GPC6: variants seen among roughly 807,000 people sequenced by gnomAD.
GPC6 encodes the protein glypican-6.
Under a neutral mutation model 55.2 loss-of-function variants are expected in GPC6, and 14 were observed. That is an observed-to-expected ratio of 0.25 (90% CI 0.17 to 0.40). The LOEUF is 0.40. Among genes scored for constraint, GPC6 ranks in the 10% least tolerant of loss-of-function variants. The pLI is 1.00. For missense variants in GPC6, 641 were observed against 708.5 expected, an observed-to-expected ratio of 0.90 and a Z score of 1.08; for synonymous variants, 278 against 259.6, an observed-to-expected ratio of 1.07 and a Z score of -0.68.
chr13:93,789,755 T>C (rs566188254), intron 2 of GPC6, among the ~76,000 whole-genome samples: 3 of 150,196 alleles, frequency 2.0e-5, no homozygotes, highest in Non-Finnish European at 3.0e-5. Context: ...ACAATGAGTT[T>C]GATTGGCCTC....
In GPC6 at chr13:94,403,118, C is replaced by T. The variant is rs778654460; in HGVS notation, c.1569C>T (p.Asp523=). ...CAGAGGCCCCCGCAGTGGATCCCGA[C>T]CGGAGAGAGGTGGACTCTTCTGCAG... ...VTTEAPAVDP[D]RREVDSSAAQ... Residue 523 remains aspartate (D), a synonymous_variant, in exon 9 of 9, where the codon GAC becomes GAT. Coordinates refer to ENST00000377047, the MANE Select transcript of GPC6 (RefSeq NM_005708.5). 2 of 1,613,722 alleles carry T rather than the reference C, an allele frequency of 1.2e-6. No individual in the cohort carries two copies. Among genetic ancestry groups the T allele is most frequent in the African/African-American group, 2.7e-5 (2 of 74,940 alleles).
intron 4 of GPC6, among the ~76,000 whole-genome samples, chr13:94,078,319 T>C (rs1450954146): frequency 6.6e-6 from 1 of 151,376 alleles, no homozygotes; most frequent in Non-Finnish European, 1.5e-5. Context: ...AGGAGAATGA[T>C]CTCAAAAAAC....
At chr13:93,494,567 T>C (rs993473099) in intron 1 of GPC6, among the ~76,000 whole-genome samples, 1 of 152,214 alleles carries the variant, frequency 6.6e-6, no homozygotes, top group African/African-American at 2.4e-5. Context: ...CCTGTCATTA[T>C]GATGTTAGCT....
chr13:93,965,059 T>C (rs1270579430), intron 3 of GPC6, among the ~76,000 whole-genome samples: 7 of 151,862 alleles, frequency 4.6e-5, no homozygotes, highest in Admixed American at 1.3e-4. Flanking sequence ...TATTATGTTT[T>C]TGTAAATATA....
chr13:94,243,613 T>C (rs1390958997), intron 4 of GPC6, among the ~76,000 whole-genome samples: 1 of 152,098 alleles, frequency 6.6e-6, no homozygotes, highest in East Asian at 1.9e-4. Flanking sequence ...TTCTAATTTT[T>C]CCCCAATCAT....
intron 8 of GPC6, among the ~76,000 whole-genome samples, chr13:94,399,389 C>CTA (rs1881031145): frequency 2.0e-5 from 3 of 152,284 alleles, no homozygotes; most frequent in African/African-American, 7.2e-5. Flanking sequence ...TGACATGAAA[C>CTA]TATATATGGG....
At chr13:94,397,780 A>G (rs1411405490) in intron 7 of GPC6, among the ~76,000 whole-genome samples, 1 of 152,176 alleles carries the variant, frequency 6.6e-6, no homozygotes, top group Non-Finnish European at 1.5e-5. Context: ...GGATGGAGGG[A>G]GGAAAGAGTC....
At chr13:93,456,556 G>T (rs1878459991) in intron 1 of GPC6, among the ~76,000 whole-genome samples, 1 of 151,920 alleles carries the variant, frequency 6.6e-6, no homozygotes, top group Non-Finnish European at 1.5e-5. Flanking sequence ...GTATTCATTT[G>T]CTGGGGCTGT....
intron 1 of GPC6, among the ~76,000 whole-genome samples, chr13:93,374,581 C>T (rs1874808757): frequency 6.6e-6 from 1 of 152,222 alleles, no homozygotes; most frequent in Non-Finnish European, 1.5e-5. Flanking sequence ...AATACTACTA[C>T]TGTGGCCTTT....
At chr13:93,299,682 C>T (rs563057082) in intron 1 of GPC6, among the ~76,000 whole-genome samples, 1 of 152,330 alleles carries the variant, frequency 6.6e-6, no homozygotes, top group East Asian at 1.9e-4. Context: ...AGATTGCAAA[C>T]TCACATAGCT....
At chr13:94,284,441 T>C (rs917551865) in intron 4 of GPC6, among the ~76,000 whole-genome samples, 1 of 148,834 alleles carries the variant, frequency 6.7e-6, no homozygotes, top group Non-Finnish European at 1.5e-5. Context: ...TATTATATCA[T>C]ATGAATACAT....
intron 4 of GPC6, among the ~76,000 whole-genome samples, chr13:94,170,391 C>T (rs939475937): frequency 6.6e-6 from 1 of 152,118 alleles, no homozygotes; most frequent in Non-Finnish European, 1.5e-5. Context: ...CGAAGGGTGC[C>T]AGAGGGACTG....
intron 3 of GPC6, among the ~76,000 whole-genome samples, chr13:93,950,200 A>G (rs1206053050): frequency 1.3e-5 from 2 of 152,244 alleles, no homozygotes; most frequent in Non-Finnish European, 1.5e-5. Flanking sequence ...AATTAAATAA[A>G]TAAGTAGATG....
rs113403440 is a variant in GPC6, at chr13:94,311,005, G to A, written c.1152+4882G>A. Among the ~76,000 whole-genome samples, 1,101 of 152,154 alleles carry A rather than the reference G, an allele frequency of 7.2e-3. 15 individuals carry two copies. Among genetic ancestry groups the A allele is most frequent in the African/African-American group, 0.025 (1,042 of 41,508 alleles). ...GAAAATTCAAGGGATTAAAAAATAG[G>A]TTGTTTGCTTTTCGTTTTCTACTTG... On this transcript the variant is annotated intron_variant, in intron 6 of 8. Coordinates refer to ENST00000377047, the MANE Select transcript of GPC6 (RefSeq NM_005708.5).
intron 3 of GPC6, among the ~76,000 whole-genome samples, chr13:93,969,834 T>C (rs1374083222): frequency 6.6e-6 from 1 of 152,194 alleles, no homozygotes; most frequent in African/African-American, 2.4e-5. Flanking sequence ...TTTGGCTTCC[T>C]GTGCCTGGCT....
chr13:94,161,841 G>A (rs1888179028), intron 4 of GPC6, among the ~76,000 whole-genome samples: 1 of 152,130 alleles, frequency 6.6e-6, no homozygotes, highest in Non-Finnish European at 1.5e-5. Flanking sequence ...AGAGGTTTGA[G>A]TGACTCACAG....
rs368982067 is a variant in GPC6, at chr13:93,533,762, C to A, written c.161-11501C>A. Reference sequence around the variant, plus strand: ...CCTGGGGTAGTTGATGGAACTATTTCTTCTTCTTGAAGTTGCTCTTGCTGT... The same window carrying A: ...CCTGGGGTAGTTGATGGAACTATTTATTCTTCTTGAAGTTGCTCTTGCTGT... On this transcript the variant is annotated intron_variant, in intron 1 of 8. Transcript: ENST00000377047. Among the ~76,000 whole-genome samples, 28 of 152,216 alleles carry A rather than the reference C, an allele frequency of 1.8e-4. No homozygotes were observed. The South Asian group carries it at 5.8e-3, about 32-fold the overall frequency.
At chr13:93,822,390 C>T (rs1357162029) in intron 2 of GPC6, among the ~76,000 whole-genome samples, 2 of 152,130 alleles carry the variant, frequency 1.3e-5, no homozygotes, top group Middle Eastern at 3.4e-3. Flanking sequence ...TCTCCAGGCT[C>T]GGTTATCTGC....
chr13:93,556,432 A>ATATG lies in GPC6; in HGVS notation c.319+11012_319+11013insATGT, dbSNP rs1216311366. Among the ~76,000 whole-genome samples the ATATG allele has an allele frequency of 1.8e-4, 25 of 141,912 alleles. No individual in the cohort carries two copies. In the South Asian group the frequency reaches 2.8e-3, roughly 16 times the overall value. The allele number at this position is 141,912 out of a possible 152,430, so 93.1% of individuals were successfully genotyped here. On this transcript the variant is annotated intron_variant, in intron 2 of 8. Transcript: ENST00000377047. The stretch of plus-strand genomic sequence containing the variant: ...TGTATATATATATATATATATATAT[A>ATATG]TTTTGGGGGTACATGAGATGTTTTG...
Sources: gnomAD v4.1 joint callset for allele counts (sites outside exome capture counted in the v4.1 genomes callset) on GRCh38, gnomAD v4.1.1 for gene constraint, MANE v1.5 for transcripts, NCBI Gene and HGNC (gene_info 2026-07-23, HGNC 2026-07-21) for gene names.